Variants in FAH observed in about 807,000 individuals in gnomAD.
FAH encodes fumarylacetoacetase.
FAH carries 47 observed loss-of-function variants against 55.8 expected under a neutral mutation model. That is an observed-to-expected ratio of 0.84 (90% confidence interval 0.67 to 1.07). The LOEUF is 1.07. Among genes scored for constraint, FAH ranks in the 50% least tolerant of loss-of-function variants. FAH has a pLI of 0.00. For synonymous variants in FAH, 199 were observed against 207.7 expected (o/e 0.96, Z 0.36); for missense variants, 495 against 545.9 (o/e 0.91, Z 0.93).
intron 13 of FAH, among the ~76,000 whole-genome samples, chr15:80,184,763 G>A (rs1168754600): frequency 6.6e-6 from 1 of 152,192 alleles, no homozygotes; most frequent in East Asian, 1.9e-4. Flanking sequence ...TCACTGAACA[G>A]ATGTGACAAA....
At position 80,168,168 on chromosome 15, in the gene FAH, C is replaced by T. The variant is rs780076580; in HGVS notation, c.553+19C>T. The T allele has an allele frequency of 6.2e-7, 1 of 1,612,650 alleles. No homozygotes were observed. Among genetic ancestry groups the T allele is most frequent in the Non-Finnish European group, 8.5e-7 (1 of 1,178,998 alleles). ...GATGACTGTGAGTGACCGCAGCGTC[C>T]AGGCCTTGCTGGTACCCAGCTCTCT... On this transcript the variant is annotated intron_variant, in intron 6 of 13. Coordinates refer to ENST00000561421, the MANE Select transcript of FAH (RefSeq NM_000137.4).
chr15:80,153,002 C>A lies in FAH; in HGVS notation c.-53C>A, dbSNP rs187323555. 2 of 1,530,254 alleles carry A rather than the reference C, an allele frequency of 1.3e-6. No individual in the cohort carries two copies. Among genetic ancestry groups the A allele is most frequent in the African/African-American group, 1.4e-5 (1 of 73,444 alleles). The allele number at this position is 1,530,254 out of a possible 1,614,324, so 94.8% of individuals were successfully genotyped here. A position where few individuals can be genotyped will look rare whatever the true frequency, so the allele number is the denominator to read the frequency against. ...CCTGACCACAGCGGCCGAGTTCAGT[C>A]CTGCTCTCCGCACGCCACCTTAGGC... On this transcript the variant is annotated 5_prime_UTR_variant, in exon 1 of 14. Transcript: ENST00000561421.
chr15:80,175,580 A>G lies in FAH; in HGVS notation c.913+489A>G, dbSNP rs557956501. On this transcript the variant is annotated intron_variant, in intron 10 of 13. Transcript: ENST00000561421. ...TGGGCCAGCCCTGAGTGTCTTGCAGACAGACCCGAGATCCCCACCCTGGGC... is the reference window on the plus strand; with the variant it reads ...TGGGCCAGCCCTGAGTGTCTTGCAGGCAGACCCGAGATCCCCACCCTGGGC... 2.0e-5 allele frequency among the ~76,000 whole-genome samples: 3 copies of G among 149,522 alleles called. No individual in the cohort carries two copies. The East Asian group carries it at 6.0e-4, about 30-fold the overall frequency.
chr15:80,153,368 G>T (rs2041071006), intron 1 of FAH, among the ~76,000 whole-genome samples: 1 of 152,192 alleles, frequency 6.6e-6, no homozygotes, highest in Non-Finnish European at 1.5e-5. Context: ...GGTTTGCTGA[G>T]AATTAAATGC....
chr15:80,167,205 A>G (rs1327524892), intron 5 of FAH: 1 of 152,162 alleles, frequency 6.6e-6, no homozygotes, highest in Non-Finnish European at 1.5e-5. Flanking sequence ...ACAGGAATTT[A>G]TCCCCTCAGT....
chr15:80,170,369 G>A (rs7179137), intron 7 of FAH, among the ~76,000 whole-genome samples: 67,745 of 151,998 alleles, frequency 0.45, 15,440 homozygotes, highest in East Asian at 0.59. Flanking sequence ...CCTGGTTGGT[G>A]GAGGCAGGCT....
chr15:80,155,903 C>T (rs1471206819), intron 1 of FAH: 6 of 478,084 alleles, frequency 1.3e-5, no homozygotes, highest in Non-Finnish European at 2.5e-5. Context: ...GCTATTTCTT[C>T]TACCGCTATC....
At chr15:80,168,568 T>A in intron 7 of FAH, 1 of 572,994 alleles carries the variant, frequency 1.7e-6, no homozygotes, top group Non-Finnish European at 3.1e-6. Flanking sequence ...AGAGCTTTTG[T>A]GGGCATGTGT....
intron 13 of FAH, among the ~76,000 whole-genome samples, chr15:80,182,676 G>A (rs1352157311): frequency 1.3e-5 from 2 of 152,066 alleles, no homozygotes; most frequent in Non-Finnish European, 2.9e-5. Flanking sequence ...CCCCCATTTT[G>A]CAGAGTCGAA....
chr15:80,169,202 G>A (rs570604128), intron 7 of FAH, among the ~76,000 whole-genome samples: 45 of 152,216 alleles, frequency 3.0e-4, no homozygotes, highest in East Asian at 1.2e-3. Context: ...GGCCAACATG[G>A]TGAAACCCCG....
At chr15:80,180,492 G>A (rs575522604) in intron 12 of FAH, among the ~76,000 whole-genome samples, 2 of 152,178 alleles carry the variant, frequency 1.3e-5, no homozygotes. Context: ...GAGGAGTCAG[G>A]AGACAGTGAT....
At chr15:80,173,268 C>G in intron 9 of FAH, 124 bp downstream of exon 9, 2 of 1,309,504 alleles carry the variant, frequency 1.5e-6, no homozygotes, top group Non-Finnish European at 2.2e-6. Context: ...CCACGGCATG[C>G]CCACAGCAGA....
intron 1 of FAH, among the ~76,000 whole-genome samples, chr15:80,155,779 A>G (rs897456334): frequency 2.0e-5 from 3 of 152,120 alleles, no homozygotes; most frequent in Non-Finnish European, 2.9e-5. Context: ...AAGTCATGTG[A>G]TCATGGGACG....
At chr15:80,161,126 C>T (rs913165397) in intron 4 of FAH, among the ~76,000 whole-genome samples, 3 of 152,130 alleles carry the variant, frequency 2.0e-5, no homozygotes, top group South Asian at 2.1e-4. Context: ...GGACAGGGGC[C>T]GAGTCACCTG....
chr15:80,163,438 G>A (rs997535167), intron 5 of FAH: 1 of 152,330 alleles, frequency 6.6e-6, no homozygotes, highest in Non-Finnish European at 1.5e-5. Context: ...CTGTGTGCCA[G>A]GATCCCAGTG....
intron 5 of FAH, among the ~76,000 whole-genome samples, chr15:80,167,530 CTTTT>C (rs11315019): frequency 8.1e-5 from 9 of 110,790 alleles, no homozygotes; most frequent in African/African-American, 1.3e-4. Context: ...ATGGCTGTAT[CTTTT>C]TTTTTTTTTT....
At chr15:80,154,396 G>T (rs186940595) in intron 1 of FAH, among the ~76,000 whole-genome samples, 1 of 152,214 alleles carries the variant, frequency 6.6e-6, no homozygotes. Context: ...GTTAGAGTGT[G>T]GCTAGGTGTT....
At chr15:80,160,358 G>C in intron 3 of FAH, 52 bp from the exon 4 acceptor site, 1 of 1,583,250 alleles carries the variant, frequency 6.3e-7, no homozygotes, top group South Asian at 1.1e-5. Flanking sequence ...CCGTGGGTGG[G>C]ACCGCGCTTT....
rs2041066274 is a variant in FAH, at chr15:80,153,136, GT to G, written c.81+2del. Reference sequence around the variant, plus strand: ...CGGCGTCTTCTCGACCAGAGGCGACGTGAGCAGTGGGGCTTTGGCGTCCGGG... The same window carrying G: ...CGGCGTCTTCTCGACCAGAGGCGACGGAGCAGTGGGGCTTTGGCGTCCGGG... On this transcript the variant is annotated splice_donor_variant, in intron 1 of 13. Coordinates refer to ENST00000561421, the MANE Select transcript of FAH (RefSeq NM_000137.4). LOFTEE classifies it high-confidence loss of function. 1 of 1,612,188 alleles carries G rather than the reference GT, an allele frequency of 6.2e-7. No individual in the cohort carries two copies. Among genetic ancestry groups the G allele is most frequent in the Non-Finnish European group, 8.5e-7 (1 of 1,179,568 alleles).
Sources: gnomAD v4.1 joint callset for allele counts (sites outside exome capture counted in the v4.1 genomes callset) on GRCh38, gnomAD v4.1.1 for gene constraint, MANE v1.5 for transcripts, NCBI Gene and HGNC (gene_info 2026-07-23, HGNC 2026-07-21) for gene names.